Variants in ZNF367 observed in about 807,000 individuals in gnomAD.
The protein encoded by ZNF367 is C2H2 zinc finger protein ZFF29.
In ZNF367, 11 loss-of-function variants were observed where a neutral mutation model predicts 31.8. The observed-to-expected ratio is 0.35, with a 90% CI of 0.22 to 0.57. ZNF367 has a LOEUF of 0.57. ZNF367 is among the 20% of genes least tolerant of loss of function. The pLI is 0.85. For missense variants in ZNF367, 353 were observed against 484.1 expected (o/e 0.73, Z 2.54); for synonymous variants, 199 against 202.4 (o/e 0.98, Z 0.14).
rs556532533 is a variant in ZNF367 at position 96,409,992 on chromosome 9, C to T, written c.420+7621G>A. 1.9e-4 allele frequency among the ~76,000 whole-genome samples: 29 copies of T among 152,194 alleles called. 1 individual carries two copies. Among genetic ancestry groups the T allele is most frequent in the Admixed American group, 5.2e-4 (8 of 15,276 alleles). ...ATGAAATCAGGACAATTAAAAACCA[C>T]AGGCCAGGCGCGGTGGCTCACGCCT... On this transcript the variant is annotated intron_variant, in intron 1 of 4. Coordinates refer to ENST00000375256, the MANE Select transcript of ZNF367 (RefSeq NM_153695.4).
At chr9:96,408,931 A>G (rs1831706611) in intron 1 of ZNF367, among the ~76,000 whole-genome samples, 1 of 152,232 alleles carries the variant, frequency 6.6e-6, no homozygotes, top group East Asian at 1.9e-4. Context: ...TGTCCCCTCC[A>G]AATCTCATGT....
chr9:96,404,815 G>T (rs1242618043), intron 1 of ZNF367, among the ~76,000 whole-genome samples: 2 of 151,966 alleles, frequency 1.3e-5, no homozygotes, highest in Admixed American at 6.6e-5. Context: ...GAAAACGAAA[G>T]GCCATCCTAC....
rs1449231559 is a variant in ZNF367, at chr9:96,418,272, T to G, written c.-240A>C. On this transcript the variant is annotated 5_prime_UTR_variant, in exon 1 of 5. Coordinates refer to ENST00000375256, the MANE Select transcript of ZNF367 (RefSeq NM_153695.4). ...GCTCTTTGTACTCCGCAGCGCAGGC[T>G]GCAGGGGTGGGAAGCAGCGGGCGGC... The G allele has an allele frequency of 2.0e-6, 1 of 492,818 alleles. No homozygotes were observed. The highest frequency in any genetic ancestry group is 3.2e-6 in the Non-Finnish European group (1 of 314,200). The allele number at this position is 492,818 out of a possible 1,614,324, so 30.5% of individuals were successfully genotyped here.
rs932139945 is a variant in ZNF367, at chr9:96,418,258, T to G, written c.-226A>C. The G allele has an allele frequency of 2.4e-5, 13 of 545,602 alleles. No homozygotes were observed. Among genetic ancestry groups the G allele is most frequent in the African/African-American group, 2.3e-4 (12 of 51,304 alleles). The allele number at this position is 545,602 out of a possible 1,614,324, so 33.8% of individuals were successfully genotyped here. On this transcript the variant is annotated 5_prime_UTR_variant, in exon 1 of 5. Coordinates refer to ENST00000375256, the MANE Select transcript of ZNF367 (RefSeq NM_153695.4). ...CAAGCGCGCCCTCCGCTCTTTGTACTCCGCAGCGCAGGCTGCAGGGGTGGG... is the reference window on the plus strand; with the variant it reads ...CAAGCGCGCCCTCCGCTCTTTGTACGCCGCAGCGCAGGCTGCAGGGGTGGG...
intron 1 of ZNF367, among the ~76,000 whole-genome samples, 188 bp from the exon 2 acceptor site, chr9:96,398,502 A>ACAAAACATTT (rs1462737982): frequency 6.6e-6 from 1 of 152,240 alleles, no homozygotes; most frequent in Non-Finnish European, 1.5e-5. Context: ...GCAACATAGC[A>ACAAAACATTT]CAAAACATTT....
In ZNF367 at chr9:96,386,573, A is replaced by G. The variant is rs1184982483; in HGVS notation, c.*1664T>C. Reference sequence around the variant, plus strand: ...CACATTACAAAAAAATTCTTAGACCATTACAAATATAAATTCTCTTATTAC... The same window carrying G: ...CACATTACAAAAAAATTCTTAGACCGTTACAAATATAAATTCTCTTATTAC... On this transcript the variant is annotated 3_prime_UTR_variant, in exon 5 of 5. Coordinates refer to ENST00000375256, the MANE Select transcript of ZNF367 (RefSeq NM_153695.4). 6.6e-6 allele frequency: 1 copy of G among 151,700 alleles called. No individual in the cohort carries two copies. The highest frequency in any genetic ancestry group is 1.5e-5 in the Non-Finnish European group (1 of 67,734). 9.4% of individuals were successfully genotyped at this position (151,700 alleles called of 1,614,324 possible).
chr9:96,416,089 T>TG (rs201734954), intron 1 of ZNF367, among the ~76,000 whole-genome samples: 24 of 83,496 alleles, frequency 2.9e-4, no homozygotes, highest in East Asian at 1.7e-3. Context: ...TTTTTGTTGT[T>TG]TTTTTTTTTT....
chr9:96,399,844 G>A (rs769109537), intron 1 of ZNF367, among the ~76,000 whole-genome samples: 13 of 151,860 alleles, frequency 8.6e-5, no homozygotes, highest in Non-Finnish European at 1.2e-4. Flanking sequence ...AACAAACAAA[G>A]CATCAGCTGA....
chr9:96,407,862 T>A, intron 1 of ZNF367: 1 of 592,182 alleles, frequency 1.7e-6, no homozygotes, highest in Non-Finnish European at 2.8e-6. Context: ...CGCCTTAGCC[T>A]CCCAAAGTGC....
intron 1 of ZNF367, among the ~76,000 whole-genome samples, chr9:96,410,252 CTG>C (rs1831726623): frequency 7.1e-6 from 1 of 140,792 alleles, no homozygotes; most frequent in Non-Finnish European, 1.6e-5. Context: ...GAGTGAAACT[CTG>C]TCTCAAAAAA....
Position 96,417,926 on chromosome 9 carries a change from C to A in ZNF367, c.107G>T (p.Arg36Met). Residue 36 changes from arginine (R) to methionine (M), a missense_variant, in exon 1 of 5, where the codon AGG becomes ATG. By Grantham distance (91) the Arg-to-Met change is moderately conservative (BLOSUM62 -1). Coordinates refer to ENST00000375256, the MANE Select transcript of ZNF367 (RefSeq NM_153695.4). This position sits in a 1 kb window ranked among gnomAD's most constrained non-coding sequence, Gnocchi z 5.0. The part of the protein sequence containing the change: ...SPKRVLVSVI[R>M]TTPIKPTCGG... ...GCACGTTGGCTTGATCGGGGTCGTC[C>A]TGATGACCGACACCAGCACCCGCTT... The A allele has an allele frequency of 6.6e-7, 1 of 1,521,482 alleles. No individual in the cohort carries two copies. The highest frequency in any genetic ancestry group is 8.7e-7 in the Non-Finnish European group (1 of 1,143,244). The allele number at this position is 1,521,482 out of a possible 1,614,324, so 94.2% of individuals were successfully genotyped here.
At chr9:96,414,619 A>G (rs1831794119) in intron 1 of ZNF367, among the ~76,000 whole-genome samples, 2 of 152,142 alleles carry the variant, frequency 1.3e-5, no homozygotes, top group African/African-American at 4.8e-5. Context: ...CTGGGACTAC[A>G]GGGGTGTGCC....
Position 96,392,386 on chromosome 9 carries a change from A to G in ZNF367, c.830+12T>C. ...TGCATCTTCACGGTGGACTAAAGGC[A>G]GCATTCCTGACCTCGCCAGCCACTC... On this transcript the variant is annotated intron_variant, in intron 4 of 4. Coordinates refer to ENST00000375256, the MANE Select transcript of ZNF367 (RefSeq NM_153695.4). The G allele has an allele frequency of 6.2e-7, 1 of 1,614,208 alleles. No individual in the cohort carries two copies. The highest frequency in any genetic ancestry group is 8.5e-7 in the Non-Finnish European group (1 of 1,180,038).
At chr9:96,395,131 G>C (rs928832682) in intron 2 of ZNF367, among the ~76,000 whole-genome samples, 189 bp from the exon 3 acceptor site, 19 of 152,206 alleles carry the variant, frequency 1.2e-4, no homozygotes, top group Non-Finnish European at 2.2e-4. Flanking sequence ...ATCTGCTGGG[G>C]AACACAATCT....
chr9:96,391,584 T>G (rs948698588), intron 4 of ZNF367, among the ~76,000 whole-genome samples: 9 of 151,990 alleles, frequency 5.9e-5, no homozygotes, highest in Non-Finnish European at 1.2e-4. Flanking sequence ...AAGCAGCCAG[T>G]GAAGCCTGGG....
At chr9:96,392,246 C>T (rs1831480316) in intron 4 of ZNF367, 152 bp downstream of exon 4, 1 of 1,207,620 alleles carries the variant, frequency 8.3e-7, no homozygotes, top group Non-Finnish European at 1.2e-6. Flanking sequence ...CCACTCACAA[C>T]AATTTTATAG....
At position 96,392,497 on chromosome 9, in the gene ZNF367, G is replaced by A. The variant is rs773714352; in HGVS notation, c.731C>T (p.Pro244Leu). The change falls in exon 4 of 5, where the codon CCG becomes CTG. Residue 244 changes from proline to leucine, a missense_variant. This residue lies in a region of ZNF367 where 57 missense variants were observed against 141.9 expected (regional missense o/e 0.40). Transcript: ENST00000375256. ...CTTCAGCCTGGCGTAGGGGTGCTTCGGACAGTGGCGGTTTGCATGGGTGAA... is the reference window on the plus strand; with the variant it reads ...CTTCAGCCTGGCGTAGGGGTGCTTCAGACAGTGGCGGTTTGCATGGGTGAA... ...SRFTHANRHC[P>L]KHPYARLKRE... 15 of 1,611,784 alleles carry A rather than the reference G, an allele frequency of 9.3e-6. No homozygotes were observed. The highest frequency in any genetic ancestry group is 2.2e-5 in the East Asian group (1 of 44,772).
chr9:96,402,182 G>C (rs1293036207), intron 1 of ZNF367, among the ~76,000 whole-genome samples: 1 of 151,866 alleles, frequency 6.6e-6, no homozygotes, highest in Admixed American at 6.6e-5. Context: ...CTTGAACCCA[G>C]AAGGCGGAGG....
intron 3 of ZNF367, among the ~76,000 whole-genome samples, chr9:96,394,102 C>CT (rs2131072175): frequency 6.6e-6 from 1 of 152,328 alleles, no homozygotes; most frequent in South Asian, 2.1e-4. Flanking sequence ...TAAAATGTTG[C>CT]TCCAAAGGCT....
Sources: allele counts gnomAD v4.1 joint callset (sites outside exome capture counted in the v4.1 genomes callset), GRCh38; gene constraint gnomAD v4.1.1; regional missense constraint gnomAD v4.1.1; non-coding constraint Gnocchi (gnomAD v3.1); transcripts MANE v1.5; gene names NCBI Gene and HGNC (gene_info 2026-07-23, HGNC 2026-07-21).